Variants in GPC6 observed in about 807,000 individuals in gnomAD.
GPC6 encodes the protein glypican 6.
GPC6 carries 14 observed loss-of-function variants against 55.2 expected under a neutral mutation model. The observed-to-expected ratio is 0.25, with a 90% CI of 0.17 to 0.40. GPC6 has a LOEUF of 0.40. GPC6 is among the 10% of genes least tolerant of loss of function. The pLI is 1.00. For missense variants in GPC6, 641 were observed against 708.5 expected (o/e 0.90, Z 1.08); for synonymous variants, 278 against 259.6 (o/e 1.07, Z -0.68).
At chr13:93,813,335 C>T (rs1442030618) in intron 2 of GPC6, among the ~76,000 whole-genome samples, 2 of 152,054 alleles carry the variant, frequency 1.3e-5, no homozygotes, top group Non-Finnish European at 2.9e-5. Flanking sequence ...AGGAGAATCG[C>T]TTGAACTTGG....
chr13:93,807,605 C>A (rs1886578770), intron 2 of GPC6, among the ~76,000 whole-genome samples: 1 of 152,142 alleles, frequency 6.6e-6, no homozygotes, highest in African/African-American at 2.4e-5. Context: ...CACCACTGAT[C>A]CAGGGAACAC....
At chr13:93,447,614 A>C (rs142968897) in intron 1 of GPC6, among the ~76,000 whole-genome samples, 44 of 152,340 alleles carry the variant, frequency 2.9e-4, no homozygotes, top group African/African-American at 8.9e-4. Context: ...TTCAAAACTC[A>C]AACTTAAAAT....
At chr13:94,102,935 G>A (rs964187034) in intron 4 of GPC6, among the ~76,000 whole-genome samples, 3 of 151,980 alleles carry the variant, frequency 2.0e-5, no homozygotes, top group Non-Finnish European at 2.9e-5. Context: ...TGTGCACAAC[G>A]TGCAGGTTTG....
intron 2 of GPC6, among the ~76,000 whole-genome samples, chr13:93,754,562 T>C (rs906176273): frequency 2.0e-5 from 3 of 151,974 alleles, no homozygotes; most frequent in Non-Finnish European, 4.4e-5. Flanking sequence ...AGGGTACCCT[T>C]TATTCCAAAA....
chr13:93,384,169 TTTAC>T (rs1202701797), intron 1 of GPC6, among the ~76,000 whole-genome samples: 1 of 152,112 alleles, frequency 6.6e-6, no homozygotes, highest in South Asian at 2.1e-4. Flanking sequence ...ACTTTCTGGA[TTTAC>T]TTCTATTATT....
chr13:94,101,641 G>A (rs1312812081), intron 4 of GPC6, among the ~76,000 whole-genome samples: 1 of 152,106 alleles, frequency 6.6e-6, no homozygotes, highest in East Asian at 1.9e-4. Context: ...AATAATGCAG[G>A]GAAAGAATGC....
chr13:94,262,790 G>T (rs1382655265), intron 4 of GPC6, among the ~76,000 whole-genome samples: 1 of 151,886 alleles, frequency 6.6e-6, no homozygotes, highest in African/African-American at 2.4e-5. Flanking sequence ...GGAAGAAATT[G>T]TTGCCTATAA....
At chr13:94,225,867 A>G (rs1050339449) in intron 4 of GPC6, among the ~76,000 whole-genome samples, 1 of 152,160 alleles carries the variant, frequency 6.6e-6, no homozygotes, top group African/African-American at 2.4e-5. Flanking sequence ...ATTACCATAC[A>G]TAAGAATTGG....
chr13:94,001,290 A>G (rs1881788359), intron 3 of GPC6, among the ~76,000 whole-genome samples: 1 of 152,158 alleles, frequency 6.6e-6, no homozygotes, highest in Non-Finnish European at 1.5e-5. Context: ...AAATTTACCT[A>G]GCATTATTTT....
chr13:94,372,614 C>A (rs1879616650), intron 6 of GPC6, among the ~76,000 whole-genome samples: 2 of 152,112 alleles, frequency 1.3e-5, no homozygotes, highest in South Asian at 4.1e-4. Flanking sequence ...GATCAAACTG[C>A]AAGGCGGCAG....
intron 2 of GPC6, among the ~76,000 whole-genome samples, chr13:93,710,179 T>C (rs1031468992): frequency 1.3e-4 from 19 of 151,826 alleles, no homozygotes; most frequent in African/African-American, 3.1e-4. Flanking sequence ...ATGAACATAA[T>C]TGAAGTAATT....
rs151220546 is a variant in GPC6 at position 94,328,323 on chromosome 13, C to T, written c.1152+22200C>T. The stretch of plus-strand genomic sequence containing the variant: ...CCTACCTTTTCCATCTTTCCATGCC[C>T]GATGCCAATGTGTTCAATGCATGTT... On this transcript the variant is annotated intron_variant, in intron 6 of 8. Transcript: ENST00000377047. Among the ~76,000 whole-genome samples the T allele has an allele frequency of 5.6e-4, 86 of 152,312 alleles. 1 individual carries two copies. The East Asian group carries it at 0.01, about 18-fold the overall frequency.
At chr13:94,266,158 TTTTTTGTTTG>T (rs1270621140) in intron 4 of GPC6, among the ~76,000 whole-genome samples, 7 of 143,222 alleles carry the variant, frequency 4.9e-5, no homozygotes, top group African/African-American at 1.6e-4. Context: ...TTTCTTTTTT[TTTTTTGTTTG>T]TTTGTTTGTT....
chr13:94,030,274 GC>G (rs1883075712), intron 4 of GPC6, among the ~76,000 whole-genome samples: 1 of 152,144 alleles, frequency 6.6e-6, no homozygotes, highest in Admixed American at 6.5e-5. Context: ...CTCCCAAAGT[GC>G]TGGGATTGCA....
intron 4 of GPC6, among the ~76,000 whole-genome samples, chr13:94,061,688 A>G (rs1884329878): frequency 6.6e-6 from 1 of 151,834 alleles, no homozygotes. Flanking sequence ...TCTTTCAGAT[A>G]TGCCCTGCTG....
At chr13:93,737,158 A>C (rs1020175116) in intron 2 of GPC6, among the ~76,000 whole-genome samples, 1 of 152,206 alleles carries the variant, frequency 6.6e-6, no homozygotes, top group African/African-American at 2.4e-5. Flanking sequence ...TGGCCATTGC[A>C]CTATGACTGG....
chr13:93,857,842 A>C (rs1228601730), intron 3 of GPC6, among the ~76,000 whole-genome samples: 2 of 151,542 alleles, frequency 1.3e-5, no homozygotes, highest in Admixed American at 6.6e-5. Flanking sequence ...CAGAAATATA[A>C]GTGCCAAACT....
At chr13:94,089,958 ACTAAG>A (rs1422086017) in intron 4 of GPC6, among the ~76,000 whole-genome samples, 2 of 152,178 alleles carry the variant, frequency 1.3e-5, no homozygotes, top group African/African-American at 2.4e-5. Context: ...TATAGCCAAA[ACTAAG>A]TCATCCTGAT....
At chr13:93,828,887 C>A (rs1887379547) in intron 2 of GPC6, among the ~76,000 whole-genome samples, 1 of 152,156 alleles carries the variant, frequency 6.6e-6, no homozygotes, top group South Asian at 2.1e-4. Flanking sequence ...CTAAACCAAG[C>A]ACTTCTTCAG....
Sources: gnomAD v4.1 joint callset for allele counts (sites outside exome capture counted in the v4.1 genomes callset) on GRCh38, gnomAD v4.1.1 for gene constraint, MANE v1.5 for transcripts, NCBI Gene and HGNC (gene_info 2026-07-23, HGNC 2026-07-21) for gene names.